Variants in TPO observed in about 807,000 individuals in gnomAD.
TPO encodes thyroid microsomal antigen.
In TPO, 78 loss-of-function variants were observed where a neutral mutation model predicts 96.9. The observed-to-expected ratio is 0.81, with a 90% confidence interval of 0.67 to 0.97. The LOEUF (loss-of-function observed/expected upper bound fraction) is 0.97. TPO is among the 50% of genes least tolerant of loss of function. The pLI is 0.00. For missense variants in TPO, 1,252 were observed against 1,274.8 expected (o/e 0.98, Z 0.27); for synonymous variants, 547 against 538.0 (o/e 1.02, Z -0.23).
Position 1,456,204 on chromosome 2 carries a change from C to G in TPO, c.741C>G (p.Ser247Arg), listed in dbSNP as rs773403871. ...ACGACATCGCGTTCACACCACAGAG[C>G]ACCAGCAAAGCTGCCTTCGGGGGAG... Reference protein sequence around the residue: ...IDHDIAFTPQSTSKAAFGGGA... With the variant: ...IDHDIAFTPQRTSKAAFGGGA... Residue 247 changes from serine to arginine, a missense_variant, in exon 7 of 17, where the codon AGC becomes AGG. Physicochemically the swap from Ser to Arg is moderately radical, Grantham distance 110. Coordinates refer to ENST00000329066, the MANE Select transcript of TPO (RefSeq NM_001206744.2). 5 of 1,614,134 alleles carry G rather than the reference C, an allele frequency of 3.1e-6. No individual in the cohort carries two copies. Among genetic ancestry groups the G allele is most frequent in the Middle Eastern group, 1.6e-4 (1 of 6,062 alleles).
At chr2:1,509,935 C>G (rs1281974933) in intron 14 of TPO, among the ~76,000 whole-genome samples, 1 of 149,722 alleles carries the variant, frequency 6.7e-6, no homozygotes, top group African/African-American at 2.5e-5. Context: ...TTGTTTCAGG[C>G]ACACCCCCCC....
chr2:1,383,399 G>T (rs78433387), intron 1 of TPO, among the ~76,000 whole-genome samples: 1 of 152,082 alleles, frequency 6.6e-6, no homozygotes, highest in African/African-American at 2.4e-5. Context: ...TGTTTCCTGA[G>T]CATTTAATGA....
At chr2:1,537,510 A>ACTGTAAGTAACCTCCTCAAATCCCCCC (rs1680068283) in intron 15 of TPO, among the ~76,000 whole-genome samples, 1 of 19,714 alleles carries the variant, frequency 5.1e-5, no homozygotes, top group African/African-American at 3.1e-4. Flanking sequence ...AAATCCCCCC[A>ACTGTAAGTAACCTCCTCAAATCCCCCC]ACTCTGTGCA....
At chr2:1,443,122 C>A (rs1391367831) in intron 5 of TPO, among the ~76,000 whole-genome samples, 1 of 152,246 alleles carries the variant, frequency 6.6e-6, no homozygotes, top group African/African-American at 2.4e-5. Context: ...ATCTGATGAA[C>A]TACTGCAGTA....
At chr2:1,477,896 CTGG>C (rs1477945629) in intron 8 of TPO, 11 of 985,304 alleles carry the variant, frequency 1.1e-5, no homozygotes, top group African/African-American at 1.7e-5. Context: ...CTCCAGCCGG[CTGG>C]TGATTATCCC....
chr2:1,436,394 G>A lies in TPO; in HGVS notation c.482+10G>A. ...GAGCTTGCAACAACAGGTATTGTTT[G>A]TGGATTTTCTTAATCTTCTCGTGAA... On this transcript the variant is annotated intron_variant, in intron 5 of 16. Coordinates refer to ENST00000329066, the MANE Select transcript of TPO (RefSeq NM_001206744.2). 1 of 1,614,168 alleles carries A rather than the reference G, an allele frequency of 6.2e-7. No individual in the cohort carries two copies. The highest frequency in any genetic ancestry group is 8.5e-7 in the Non-Finnish European group (1 of 1,180,028).
rs558514477 is a variant in TPO, at chr2:1,470,084, T to C, written c.820-7002T>C. ...TGAGATGGCGAATTGTATTTTCTAA[T>C]TGATTATTTTTCAGCAACAATTAAT... On this transcript the variant is annotated intron_variant, in intron 7 of 16. Transcript: ENST00000329066. 4.6e-5 allele frequency among the ~76,000 whole-genome samples: 7 copies of C among 152,344 alleles called. No homozygotes were observed. The East Asian group carries it at 5.8e-4, about 13-fold the overall frequency.
chr2:1,484,191 C>T (rs1670902478), intron 8 of TPO, among the ~76,000 whole-genome samples: 1 of 152,202 alleles, frequency 6.6e-6, no homozygotes, highest in African/African-American at 2.4e-5. Flanking sequence ...ATACAACATG[C>T]TTTGATTTAA....
At position 1,541,184 on chromosome 2, in the gene TPO, C is replaced by T; in HGVS notation, c.2748+461C>T. ...ATATCAAAAACTCACTTGTGTAAGT[C>T]TGACTTTTGAACTGAGAGAAGCAGA... On this transcript the variant is annotated intron_variant, in intron 16 of 16. Coordinates refer to ENST00000329066, the MANE Select transcript of TPO (RefSeq NM_001206744.2). 3.4e-6 allele frequency: 4 copies of T among 1,173,460 alleles called. No individual in the cohort carries two copies. The South Asian group carries it at 6.8e-5, about 20-fold the overall frequency. The allele number at this position is 1,173,460 out of a possible 1,614,324, so 72.7% of individuals were successfully genotyped here. A position where few individuals can be genotyped will look rare whatever the true frequency, so the allele number is the denominator to read the frequency against.
At chr2:1,395,286 C>T (rs555916715) in intron 1 of TPO, among the ~76,000 whole-genome samples, 11 of 152,192 alleles carry the variant, frequency 7.2e-5, no homozygotes, top group African/African-American at 2.6e-4. Flanking sequence ...GTAATCCAAG[C>T]AGAACAGCTC....
At chr2:1,430,982 A>T (rs1198511202) in intron 3 of TPO, among the ~76,000 whole-genome samples, 2 of 152,202 alleles carry the variant, frequency 1.3e-5, no homozygotes, top group East Asian at 3.9e-4. Flanking sequence ...AGAATAAATT[A>T]AGACTTTGGG....
chr2:1,512,845 G>A (rs932867031), intron 14 of TPO, among the ~76,000 whole-genome samples: 2 of 152,244 alleles, frequency 1.3e-5, no homozygotes, highest in Non-Finnish European at 2.9e-5. Context: ...AGCTGGGGAT[G>A]CTGGCTTCAG....
At chr2:1,395,446 C>A (rs1662065258) in intron 1 of TPO, among the ~76,000 whole-genome samples, 1 of 151,922 alleles carries the variant, frequency 6.6e-6, no homozygotes, top group African/African-American at 2.4e-5. Context: ...GAAGCAAGGC[C>A]CAAGTTTCTT....
Position 1,540,681 on chromosome 2 carries a change from A to C in TPO, c.2706A>C (p.Val902=). The C allele has an allele frequency of 6.2e-7, 1 of 1,613,360 alleles. No homozygotes were observed. Among genetic ancestry groups the C allele is most frequent in the Non-Finnish European group, 8.5e-7 (1 of 1,180,022 alleles). The change falls in exon 16 of 17, where the codon GTA becomes GTC. Residue 902 remains valine (V), a synonymous_variant. Transcript: ENST00000329066. ...TGAGATGCGGAAAGCACCAGGCCGTAGGGACCTCACCGCAGCGGGCCGCAG... is the reference window on the plus strand; with the variant it reads ...TGAGATGCGGAAAGCACCAGGCCGTCGGGACCTCACCGCAGCGGGCCGCAG... ...PELRCGKHQA[V]GTSPQRAAAQ... is the part of the protein sequence containing the mutation.
Position 1,414,475 on chromosome 2 carries a change from A to T in TPO, c.67A>T (p.Ile23Phe), listed in dbSNP as rs1237678270. ...CTGCACAGAAGCCTTCTTCCCCTTC[A>T]TCTCGAGAGGGAAAGAACTCCTTTG... ...MACTEAFFPF[I>F]SRGKELLWGK... The change falls in exon 2 of 17, where the codon ATC (isoleucine) becomes TTC (phenylalanine). Residue 23 changes from isoleucine to phenylalanine, a missense_variant. Ile to Phe is a conservative substitution (Grantham distance 21). Transcript: ENST00000329066. 1 of 1,613,866 alleles carries T rather than the reference A, an allele frequency of 6.2e-7. No individual in the cohort carries two copies. The highest frequency in any genetic ancestry group is 1.7e-5 in the Admixed American group (1 of 60,000).
intron 1 of TPO, among the ~76,000 whole-genome samples, chr2:1,387,004 GA>G (rs1010120577): frequency 2.6e-5 from 4 of 152,152 alleles, no homozygotes; most frequent in Non-Finnish European, 2.9e-5. Context: ...ATTCTGGGTT[GA>G]AAATTCTTTT....
At chr2:1,453,887 A>G in intron 6 of TPO, 64 bp downstream of exon 6, 1 of 1,610,574 alleles carries the variant, frequency 6.2e-7, no homozygotes, top group African/African-American at 1.3e-5. Context: ...AGGGAGGGAA[A>G]TAGCCTTTTA....
chr2:1,516,177 G>A (rs559329041), intron 14 of TPO, among the ~76,000 whole-genome samples: 1 of 152,246 alleles, frequency 6.6e-6, no homozygotes, highest in South Asian at 2.1e-4. Context: ...ACTTCCTCAG[G>A]CCCCTCACCA....
chr2:1,495,294 G>T (rs28991282), intron 11 of TPO, among the ~76,000 whole-genome samples: 51 of 152,320 alleles, frequency 3.3e-4, no homozygotes, highest in African/African-American at 1.2e-3. Context: ...AGAGTTTTAC[G>T]TGGCAGGGGA....
Sources: allele counts gnomAD v4.1 joint callset (sites outside exome capture counted in the v4.1 genomes callset), GRCh38; gene constraint gnomAD v4.1.1; transcripts MANE v1.5; gene names NCBI Gene and HGNC (gene_info 2026-07-23, HGNC 2026-07-21).